The following XRN1 variants were observed in gnomAD, a reference collection of about 807,000 sequenced individuals.
XRN1 encodes strand-exchange protein 1 homolog.
XRN1 carries 67 observed loss-of-function variants against 222.3 expected under a neutral mutation model. That is an observed-to-expected ratio of 0.30 (90% CI 0.25 to 0.37). The LOEUF (loss-of-function observed/expected upper bound fraction) is 0.37, where lower values mean the gene tolerates loss of function less well. Ranked by LOEUF, XRN1 falls within the 10% of genes least tolerant of loss-of-function variation. The pLI is 1.00. For missense variants in XRN1, 1,707 were observed against 2,000.2 expected (o/e 0.85, Z 2.80); for synonymous variants, 643 against 652.4 (o/e 0.99, Z 0.22).
chr3:142,356,365 C>T (rs2066465144), intron 31 of XRN1, among the ~76,000 whole-genome samples: 1 of 151,982 alleles, frequency 6.6e-6, no homozygotes, highest in South Asian at 2.1e-4. Context: ...TTATAATAAG[C>T]AGGTACTATT....
intron 26 of XRN1, among the ~76,000 whole-genome samples, chr3:142,370,955 A>G (rs2066970739): frequency 6.6e-6 from 1 of 152,000 alleles, no homozygotes; most frequent in Admixed American, 6.6e-5. Flanking sequence ...GCCAAGGAGC[A>G]TGGCCTGAGC....
chr3:142,414,052 T>C lies in XRN1; in HGVS notation c.1593+83A>G, dbSNP rs1425402396. The C allele has an allele frequency of 8.3e-6, 11 of 1,319,566 alleles. No homozygotes were observed. In the East Asian group the frequency reaches 1.0e-4, roughly 12 times the overall value. 81.7% of individuals were successfully genotyped at this position (1,319,566 alleles called of 1,614,324 possible). A position where few individuals can be genotyped will look rare whatever the true frequency, so the allele number is the denominator to read the frequency against. On this transcript the variant is annotated intron_variant, in intron 14 of 40. Coordinates refer to ENST00000392981, the MANE Select transcript of XRN1 (RefSeq NM_001282857.2). ...AATAACTACTTAGCTACCAAATAAA[T>C]TTGAGTATTATTGTTTCTAGGTTTG...
chr3:142,388,124 G>A (rs189453687), intron 20 of XRN1, among the ~76,000 whole-genome samples: 6 of 152,182 alleles, frequency 3.9e-5, no homozygotes, highest in East Asian at 1.9e-4. Flanking sequence ...AAAAACACAG[G>A]TTTGAATGAC....
At chr3:142,417,071 TA>T in intron 13 of XRN1, 68 bp downstream of exon 13, 1 of 1,094,560 alleles carries the variant, frequency 9.1e-7, no homozygotes, top group Non-Finnish European at 1.3e-6. Context: ...AAGTGCTTCC[TA>T]AATAAGACTC....
rs1249048252 is a variant in XRN1, at chr3:142,412,371, T to G, written c.1713+173A>C. Among the ~76,000 whole-genome samples, 6 of 152,334 alleles carry G rather than the reference T, an allele frequency of 3.9e-5. No homozygotes were observed. The East Asian group carries it at 9.6e-4, about 24-fold the overall frequency. ...TTTGTCTAATAATAGTAAAGCCACT[T>G]CAGCCTTATTATAATTGGCATACCT... On this transcript the variant is annotated intron_variant, in intron 15 of 40. Transcript: ENST00000392981.
chr3:142,425,201 A>T (rs761922088), intron 5 of XRN1, 21 bp downstream of exon 5: 4 of 1,494,460 alleles, frequency 2.7e-6, no homozygotes, highest in Non-Finnish European at 3.6e-6. Context: ...ATAAGTTTAT[A>T]ATAATAAAAA....
intron 1 of XRN1, chr3:142,435,337 G>C (rs971687558): frequency 2.6e-5 from 4 of 151,712 alleles, no homozygotes; most frequent in African/African-American, 9.7e-5. Flanking sequence ...GGCGGAGCTT[G>C]CAGTGAGCGG....
At chr3:142,364,327 C>T (rs2107860549) in intron 29 of XRN1, among the ~76,000 whole-genome samples, 1 of 152,312 alleles carries the variant, frequency 6.6e-6, no homozygotes, top group Non-Finnish European at 1.5e-5. Context: ...GATGCTGCTT[C>T]ATGCTGGCAC....
chr3:142,393,276 G>T (rs544360962), intron 20 of XRN1, among the ~76,000 whole-genome samples: 1 of 149,808 alleles, frequency 6.7e-6, no homozygotes, highest in African/African-American at 2.5e-5. Context: ...TTTGTAGGTC[G>T]CCTGTTCACT....
At chr3:142,371,678 C>G (rs1031623601) in intron 25 of XRN1, among the ~76,000 whole-genome samples, 4 of 152,128 alleles carry the variant, frequency 2.6e-5, no homozygotes, top group Non-Finnish European at 5.9e-5. Context: ...CACAATACAA[C>G]AAATTAAAAT....
chr3:142,405,914 G>GA (rs201104281), intron 15 of XRN1, among the ~76,000 whole-genome samples: 12 of 151,426 alleles, frequency 7.9e-5, no homozygotes, highest in South Asian at 6.3e-4. Flanking sequence ...AAGGAAGACA[G>GA]AAAAAAAACG....
chr3:142,340,993 CTGA>C (rs1289687371), intron 33 of XRN1, among the ~76,000 whole-genome samples: 1 of 152,064 alleles, frequency 6.6e-6, no homozygotes, highest in African/African-American at 2.4e-5. Flanking sequence ...ACAAAACTCA[CTGA>C]TAATAGTAAG....
intron 26 of XRN1, among the ~76,000 whole-genome samples, chr3:142,370,874 A>C (rs1370978741): frequency 6.6e-6 from 1 of 152,100 alleles, no homozygotes; most frequent in Non-Finnish European, 1.5e-5. Context: ...AACAATGCAA[A>C]AAAACAAAAC....
intron 6 of XRN1, among the ~76,000 whole-genome samples, chr3:142,423,139 A>G (rs963586605): frequency 6.6e-6 from 1 of 152,228 alleles, no homozygotes; most frequent in African/African-American, 2.4e-5. Flanking sequence ...GGTTTACATT[A>G]TGTGTTCTGT....
chr3:142,411,512 TG>T (rs1281811645), intron 15 of XRN1, among the ~76,000 whole-genome samples: 1 of 152,098 alleles, frequency 6.6e-6, no homozygotes, highest in African/African-American at 2.4e-5. Context: ...ATACTGACCA[TG>T]GATCCCTTTT....
At chr3:142,336,044 C>T (rs1466490213) in intron 33 of XRN1, among the ~76,000 whole-genome samples, 2 of 152,120 alleles carry the variant, frequency 1.3e-5, no homozygotes, top group African/African-American at 4.8e-5. Context: ...ACAAGACCAA[C>T]TCAGGCAGCT....
chr3:142,355,295 CTATTTTA>C, intron 32 of XRN1, 99 bp downstream of exon 32: 1 of 521,688 alleles, frequency 1.9e-6, no homozygotes, highest in Non-Finnish European at 3.1e-6. Context: ...TTGTCATTTT[CTATTTTA>C]TGAGATGTCA....
chr3:142,312,359 A>ATTACTGATTT (rs1043139158), intron 40 of XRN1, among the ~76,000 whole-genome samples: 1 of 152,176 alleles, frequency 6.6e-6, no homozygotes, highest in African/African-American at 2.4e-5. Flanking sequence ...TTTTATTTAT[A>ATTACTGATTT]TTACTGATTT....
chr3:142,404,947 A>T lies in XRN1; in HGVS notation c.1843T>A (p.Trp615Arg), dbSNP rs775152708. 4 of 1,614,052 alleles carry T rather than the reference A, an allele frequency of 2.5e-6. No individual in the cohort carries two copies. The highest frequency in any genetic ancestry group is 1.7e-6 in the Non-Finnish European group (2 of 1,179,944). Reference sequence around the variant, plus strand: ...TCTATGGCAGGGAACTTTTCTGGCCATGGAGAAGGATAGATAAACTCTGTG... The same window carrying T: ...TCTATGGCAGGGAACTTTTCTGGCCTTGGAGAAGGATAGATAAACTCTGTG... ...RDTEFIYPSP[W>R]PEKFPAIERC... Residue 615 changes from tryptophan (W) to arginine (R), a missense_variant, in exon 16 of 41, where the codon TGG becomes AGG. Physicochemically the swap from Trp to Arg is moderately radical, Grantham distance 101. Around this residue, in one of 2 missense-constraint regions of XRN1, gnomAD observed 1,234 missense variants for 1,518.2 expected, o/e 0.81. Coordinates refer to ENST00000392981, the MANE Select transcript of XRN1 (RefSeq NM_001282857.2).
Sources: allele counts gnomAD v4.1 joint callset (sites outside exome capture counted in the v4.1 genomes callset), GRCh38; gene constraint gnomAD v4.1.1; regional missense constraint gnomAD v4.1.1; transcripts MANE v1.5; gene names NCBI Gene and HGNC (gene_info 2026-07-23, HGNC 2026-07-21).